Variants in NEK10 observed in about 807,000 individuals in gnomAD.
NEK10 encodes the protein serine/threonine-protein kinase Nek10.
A neutral mutation model predicts 159.8 loss-of-function variants in NEK10; 122 were observed. The ratio of observed to expected loss-of-function variants is 0.76; its 90% CI spans 0.66 to 0.89. The LOEUF (loss-of-function observed/expected upper bound fraction) is 0.89. Among genes scored for constraint, NEK10 ranks in the 40% least tolerant of loss-of-function variants. The pLI is 0.00. For missense variants in NEK10, 1,342 were observed against 1,323.1 expected (o/e 1.01, Z -0.22); for synonymous variants, 466 against 457.1 (o/e 1.02, Z -0.25).
At chr3:27,355,970 G>A (rs1003892644) in intron 1 of NEK10, among the ~76,000 whole-genome samples, 1 of 152,182 alleles carries the variant, frequency 6.6e-6, no homozygotes, top group Admixed American at 6.5e-5. Flanking sequence ...AGTATTAAAA[G>A]GTAGGACCTT....
chr3:27,159,088 AG>A (rs1364501042), intron 30 of NEK10, among the ~76,000 whole-genome samples: 1 of 152,156 alleles, frequency 6.6e-6, no homozygotes, highest in Non-Finnish European at 1.5e-5. Context: ...TTTCATTAGT[AG>A]GTATATCAGG....
chr3:27,346,306 A>C, intron 3 of NEK10, 90 bp from the exon 4 acceptor site: 1 of 1,392,534 alleles, frequency 7.2e-7, no homozygotes, highest in Non-Finnish European at 1.0e-6. Flanking sequence ...GAAGAGACTG[A>C]GATTTTTTCC....
chr3:27,203,005 C>A (rs1950181922), intron 23 of NEK10, among the ~76,000 whole-genome samples: 1 of 152,144 alleles, frequency 6.6e-6, no homozygotes, highest in East Asian at 1.9e-4. Flanking sequence ...GTGACAATAA[C>A]CTGATTAGAG....
intron 23 of NEK10, among the ~76,000 whole-genome samples, chr3:27,236,950 G>A (rs1423881288): frequency 6.6e-6 from 1 of 151,978 alleles, no homozygotes; most frequent in Non-Finnish European, 1.5e-5. Context: ...AGGAGACCAG[G>A]GCATATTTCT....
chr3:27,201,998 T>A (rs1286662403), intron 24 of NEK10, among the ~76,000 whole-genome samples: 1 of 149,158 alleles, frequency 6.7e-6, no homozygotes, highest in African/African-American at 2.5e-5. Flanking sequence ...AAAAAAAAAA[T>A]AAAAAATTCG....
chr3:27,220,443 A>G (rs912579273), intron 23 of NEK10, among the ~76,000 whole-genome samples: 3 of 152,046 alleles, frequency 2.0e-5, no homozygotes, highest in Admixed American at 6.6e-5. Context: ...TCCCTTTTTC[A>G]TGTTTAAAGA....
At chr3:27,232,738 G>C (rs1336083053) in intron 23 of NEK10, among the ~76,000 whole-genome samples, 1 of 152,070 alleles carries the variant, frequency 6.6e-6, no homozygotes, top group East Asian at 1.9e-4. Context: ...ACAGAATAGA[G>C]AACCAAGAAA....
At chr3:27,243,001 T>C (rs1954715360) in intron 23 of NEK10, among the ~76,000 whole-genome samples, 1 of 152,212 alleles carries the variant, frequency 6.6e-6, no homozygotes, top group Non-Finnish European at 1.5e-5. Flanking sequence ...GGCCATAAAA[T>C]TGTCACAGTT....
chr3:27,287,790 C>G (rs370644708), intron 19 of NEK10, 47 bp from the exon 20 acceptor site: 100 of 1,472,026 alleles, frequency 6.8e-5, no homozygotes, highest in Non-Finnish European at 8.4e-5. Flanking sequence ...CTTCAAAATA[C>G]AAGTTTTTTC....
intron 26 of NEK10, among the ~76,000 whole-genome samples, chr3:27,183,578 T>A (rs1265746720): frequency 1.3e-5 from 2 of 152,020 alleles, no homozygotes; most frequent in Admixed American, 1.3e-4. Flanking sequence ...ATTACATGAA[T>A]AAGTCTTCAT....
chr3:27,132,737 T>A (rs1055781600), intron 31 of NEK10, among the ~76,000 whole-genome samples: 5 of 152,030 alleles, frequency 3.3e-5, no homozygotes, highest in African/African-American at 1.2e-4. Flanking sequence ...AGAAGAAGGA[T>A]AATAGAAAAG....
At chr3:27,344,051 G>T (rs936483378) in intron 5 of NEK10, among the ~76,000 whole-genome samples, 4 of 152,114 alleles carry the variant, frequency 2.6e-5, no homozygotes, top group Admixed American at 2.6e-4. Context: ...ACATGATAAC[G>T]AGTGTTTTCC....
intron 22 of NEK10, among the ~76,000 whole-genome samples, chr3:27,281,327 C>G (rs2042144024): frequency 6.6e-6 from 1 of 151,846 alleles, no homozygotes; most frequent in Non-Finnish European, 1.5e-5. Flanking sequence ...TTTTAAGTCT[C>G]CAGATTGAAG....
At chr3:27,287,806 CTACT>C in intron 19 of NEK10, 63 bp from the exon 20 acceptor site, 2 of 1,444,222 alleles carry the variant, frequency 1.4e-6, no homozygotes, top group Admixed American at 2.8e-5. Flanking sequence ...TTTTCACTGA[CTACT>C]TAGTTGGACT....
rs564405100 is a variant in NEK10 at position 27,304,800 on chromosome 3, G to A, written c.975C>T (p.Ser325=). 16 of 1,613,758 alleles carry A rather than the reference G, an allele frequency of 9.9e-6. No homozygotes were observed. Among genetic ancestry groups the A allele is most frequent in the South Asian group, 3.3e-5 (3 of 91,070 alleles). ...TGCCTCCCCAAATGCGAATTTCCACGCTGGTCTCAGGGTCCTCACAAACCT... is the reference window on the plus strand; with the variant it reads ...TGCCTCCCCAAATGCGAATTTCCACACTGGTCTCAGGGTCCTCACAAACCT... ...LVQVCEDPET[S]VEIRIWGGIK... is the part of the protein sequence containing the mutation. The change falls in exon 12 of 36, where the codon AGC becomes AGT. Residue 325 remains serine (S), a synonymous_variant. Transcript: ENST00000691995.
chr3:27,360,237 C>G (rs367587417), intron 1 of NEK10, among the ~76,000 whole-genome samples: 1 of 152,204 alleles, frequency 6.6e-6, no homozygotes, highest in African/African-American at 2.4e-5. Context: ...AGAGAACATG[C>G]AGTATCAGGA....
intron 5 of NEK10, among the ~76,000 whole-genome samples, chr3:27,326,595 T>A (rs903119986): frequency 2.5e-5 from 2 of 78,944 alleles, no homozygotes; most frequent in East Asian, 4.3e-4. Flanking sequence ...TCCAGAATAG[T>A]TTTTTTTAAC....
chr3:27,189,410 C>A (rs1948916589), intron 26 of NEK10, among the ~76,000 whole-genome samples: 1 of 151,886 alleles, frequency 6.6e-6, no homozygotes, highest in Non-Finnish European at 1.5e-5. Context: ...ACAGTGGATC[C>A]CCTTATTGAT....
intron 29 of NEK10, among the ~76,000 whole-genome samples, chr3:27,164,435 T>C (rs1395540475): frequency 1.3e-5 from 2 of 152,246 alleles, no homozygotes; most frequent in African/African-American, 4.8e-5. Context: ...TAATTTTAAG[T>C]TTTCTGGTAG....
Sources: gnomAD v4.1 joint callset for allele counts (sites outside exome capture counted in the v4.1 genomes callset) on GRCh38, gnomAD v4.1.1 for gene constraint, MANE v1.5 for transcripts, NCBI Gene and HGNC (gene_info 2026-07-23, HGNC 2026-07-21) for gene names.